Variants in INAVA observed in about 807,000 individuals in gnomAD.
INAVA encodes innate immunity activator.
A neutral mutation model predicts 55.3 loss-of-function variants in INAVA; 32 were observed. The observed-to-expected ratio is 0.58, with a 90% CI of 0.44 to 0.78. INAVA has a LOEUF of 0.78. Among genes scored for constraint, INAVA ranks in the 30% least tolerant of loss-of-function variants. INAVA has a pLI of 0.00. For synonymous variants in INAVA, 294 were observed against 329.4 expected (o/e 0.89, Z 1.16); for missense variants, 756 against 786.4 (o/e 0.96, Z 0.46).
rs754540713 is a variant in INAVA at position 200,911,863 on chromosome 1, C to G, written c.1370C>G (p.Pro457Arg). 6 of 1,593,010 alleles carry G rather than the reference C, an allele frequency of 3.8e-6. No individual in the cohort carries two copies. In the South Asian group the frequency reaches 6.7e-5, roughly 18 times the overall value. The change falls in exon 9 of 10, where the codon CCG (proline) becomes CGG (arginine). Residue 457 changes from proline to arginine, a missense_variant. Coordinates refer to ENST00000413687, the MANE Select transcript of INAVA (RefSeq NM_001142569.3). ...GAGTGGGAGCTGCGCCGCGCAGCCC[C>G]GGGCCCTGCTTACGAGGAGGAGGGC... ...PGEWELRRAA[P>R]GPAYEEEGTP...
chr1:200,902,779 A>T (rs929478009), intron 5 of INAVA, among the ~76,000 whole-genome samples: 2 of 152,180 alleles, frequency 1.3e-5, no homozygotes, highest in African/African-American at 4.8e-5. Context: ...TCCCCTGCCC[A>T]CCGGGGCTGC....
At chr1:200,907,715 C>T (rs1653554046) in intron 5 of INAVA, 119 bp from the exon 6 acceptor site, 6 of 716,216 alleles carry the variant, frequency 8.4e-6, no homozygotes, top group Non-Finnish European at 1.4e-5. Context: ...GGTATTTCCT[C>T]ATAACTGATG....
rs1297146324 is a variant in INAVA, at chr1:200,908,856, T to C, written c.701T>C (p.Val234Ala). 3 of 1,613,772 alleles carry C rather than the reference T, an allele frequency of 1.9e-6. No homozygotes were observed. The highest frequency in any genetic ancestry group is 2.5e-6 in the Non-Finnish European group (3 of 1,179,948). Residue 234 changes from valine (V) to alanine (A), a missense_variant, in exon 7 of 10, where the codon GTC (valine) becomes GCC (alanine). Physicochemically the swap from Val to Ala is moderately conservative, Grantham distance 64 (BLOSUM62 0). This residue lies in a region of INAVA where 639 missense variants were observed against 624.3 expected (regional missense o/e 1.02). Transcript: ENST00000413687. ...GCTGGGAGCCCAGAACGGGCTCCAGTCCAGAACAGCCCCTGGAAGGAAACC... is the reference window on the plus strand; with the variant it reads ...GCTGGGAGCCCAGAACGGGCTCCAGCCCAGAACAGCCCCTGGAAGGAAACC... ...PEAGSPERAP[V>A]QNSPWKETSL...
chr1:200,904,933 A>G (rs979446762), intron 5 of INAVA, among the ~76,000 whole-genome samples: 4 of 152,108 alleles, frequency 2.6e-5, no homozygotes, highest in Non-Finnish European at 5.9e-5. Context: ...TATTTTAGAG[A>G]TGGGATCTTG....
chr1:200,913,968 A>G lies in INAVA; in HGVS notation c.*339A>G. On this transcript the variant is annotated 3_prime_UTR_variant, in exon 10 of 10. Transcript: ENST00000413687. ...GTGAAGCAGAGTGAGCCACCTTGGG[A>G]GTTCTCCAACGCTCTGTGCTCTGGT... is the stretch of plus-strand genomic sequence containing the variant. 3.8e-6 allele frequency: 1 copy of G among 265,392 alleles called. No individual in the cohort carries two copies. The highest frequency in any genetic ancestry group is 4.9e-5 in the Admixed American group (1 of 20,274). 16.4% of individuals were successfully genotyped at this position (265,392 alleles called of 1,614,324 possible).
intron 5 of INAVA, among the ~76,000 whole-genome samples, chr1:200,904,191 C>T (rs1469373065): frequency 2.0e-5 from 3 of 151,774 alleles, no homozygotes; most frequent in African/African-American, 4.8e-5. Flanking sequence ...CGGGTTTAAG[C>T]GATTCTCCTG....
At chr1:200,892,958 T>C (rs1668265048), upstream of INAVA, among the ~76,000 whole-genome samples, 1 of 152,188 alleles carries the variant, frequency 6.6e-6, no homozygotes, top group African/African-American at 2.4e-5. Flanking sequence ...AGATGGAGGA[T>C]TACCTGAGGG....
intron 2 of INAVA, among the ~76,000 whole-genome samples, chr1:200,898,814 C>T (rs544400174): frequency 2.7e-4 from 41 of 152,234 alleles, no homozygotes; most frequent in African/African-American, 9.4e-4. Context: ...CCAAGGTGGG[C>T]GGATCACAAG....
upstream of INAVA, among the ~76,000 whole-genome samples, chr1:200,893,939 G>A (rs1270875436): frequency 6.6e-6 from 1 of 151,798 alleles, no homozygotes. Flanking sequence ...GGGGAATGGT[G>A]GGAAGATCAG....
chr1:200,903,504 A>G (rs1166491785), intron 5 of INAVA, among the ~76,000 whole-genome samples: 1 of 151,728 alleles, frequency 6.6e-6, no homozygotes, highest in East Asian at 1.9e-4. Context: ...AAAAAACAAA[A>G]CAAAACAAAA....
In INAVA at chr1:200,898,404, G is replaced by A. The variant is rs1408363933; in HGVS notation, c.4G>A (p.Glu2Lys). ...CCTCTCCTTCCAGAAATCCACCATGGAGAGTAAGGATGAGGTCAGCGACAC... is the reference window on the plus strand; with the variant it reads ...CCTCTCCTTCCAGAAATCCACCATGAAGAGTAAGGATGAGGTCAGCGACAC... Reference protein sequence around the residue: MESKDEVSDTDS... With the variant: MKSKDEVSDTDS... Residue 2 changes from glutamate to lysine, a missense_variant, in exon 2 of 10, where the codon GAG becomes AAG. By Grantham distance (56) the Glu-to-Lys change is moderately conservative. Transcript: ENST00000413687. 6.2e-7 allele frequency: 1 copy of A among 1,614,130 alleles called. No individual in the cohort carries two copies. Among genetic ancestry groups the A allele is most frequent in the African/African-American group, 1.3e-5 (1 of 75,022 alleles).
At chr1:200,905,562 G>T (rs79200023) in intron 5 of INAVA, among the ~76,000 whole-genome samples, 5,576 of 152,152 alleles carry the variant, frequency 0.037, 300 homozygotes, top group African/African-American at 0.11. Context: ...AAAAAGATGG[G>T]TTAAACCTTT....
rs969698082 is a variant in INAVA at position 200,909,025 on chromosome 1, A to T, written c.785+85A>T. The T allele has an allele frequency of 9.9e-6, 14 of 1,419,436 alleles. No homozygotes were observed. The East Asian group carries it at 3.5e-4, about 35-fold the overall frequency. 87.9% of individuals were successfully genotyped at this position (1,419,436 alleles called of 1,614,324 possible). A position where few individuals can be genotyped will look rare whatever the true frequency, so the allele number is the denominator to read the frequency against. Reference sequence around the variant, plus strand: ...CTGGGGATGGCTATAGGCTGGGCAGATGGAAAAGTGGAAAGGTGGAGGAGA... The same window carrying T: ...CTGGGGATGGCTATAGGCTGGGCAGTTGGAAAAGTGGAAAGGTGGAGGAGA... On this transcript the variant is annotated intron_variant, in intron 7 of 9. Coordinates refer to ENST00000413687, the MANE Select transcript of INAVA (RefSeq NM_001142569.3).
chr1:200,905,009 T>G (rs1653423297), intron 5 of INAVA, among the ~76,000 whole-genome samples: 1 of 152,102 alleles, frequency 6.6e-6, no homozygotes, highest in South Asian at 2.1e-4. Flanking sequence ...GCCTCTGGAG[T>G]AACTAAGATT....
chr1:200,909,086 T>C (rs1314456433), intron 7 of INAVA, 138 bp from the exon 8 acceptor site: 1 of 1,303,902 alleles, frequency 7.7e-7, no homozygotes, highest in Non-Finnish European at 1.0e-6. Flanking sequence ...GTGTGAGCCT[T>C]GATAGTTCCC....
At position 200,898,386 on chromosome 1, in the gene INAVA, T is replaced by A; in HGVS notation, c.-15T>A. Reference sequence around the variant, plus strand: ...CCCCTCCCTGCTCTGTGCCCTCTCCTTCCAGAAATCCACCATGGAGAGTAA... The same window carrying A: ...CCCCTCCCTGCTCTGTGCCCTCTCCATCCAGAAATCCACCATGGAGAGTAA... On this transcript the variant is annotated 5_prime_UTR_variant, in exon 2 of 10. Transcript: ENST00000413687. 1 of 1,614,164 alleles carries A rather than the reference T, an allele frequency of 6.2e-7. No homozygotes were observed. Among genetic ancestry groups the A allele is most frequent in the Non-Finnish European group, 8.5e-7 (1 of 1,180,026 alleles).
upstream of INAVA, among the ~76,000 whole-genome samples, chr1:200,894,010 AGG>A (rs1368819451): frequency 6.6e-6 from 1 of 152,188 alleles, no homozygotes; most frequent in African/African-American, 2.4e-5. Flanking sequence ...TGCTGGGGAC[AGG>A]CCAGGCAACA....
At chr1:200,907,164 C>T (rs1653527282) in intron 5 of INAVA, among the ~76,000 whole-genome samples, 1 of 152,094 alleles carries the variant, frequency 6.6e-6, no homozygotes, top group African/African-American at 2.4e-5. Flanking sequence ...CAAAATGACC[C>T]TTTGTCTTTC....
At position 200,898,399 on chromosome 1, in the gene INAVA, C is replaced by A. The variant is rs1558227738; in HGVS notation, c.-2C>A. ...TGTGCCCTCTCCTTCCAGAAATCCA[C>A]CATGGAGAGTAAGGATGAGGTCAGC... On this transcript the variant is annotated 5_prime_UTR_variant, in exon 2 of 10. Transcript: ENST00000413687. 6.2e-7 allele frequency: 1 copy of A among 1,614,120 alleles called. No homozygotes were observed. Among genetic ancestry groups the A allele is most frequent in the East Asian group, 2.2e-5 (1 of 44,886 alleles).
Sources: allele counts gnomAD v4.1 joint callset (sites outside exome capture counted in the v4.1 genomes callset), GRCh38; gene constraint gnomAD v4.1.1; regional missense constraint gnomAD v4.1.1; transcripts MANE v1.5; gene names NCBI Gene and HGNC (gene_info 2026-07-23, HGNC 2026-07-21).